Variants in NELL2 observed in about 807,000 individuals in gnomAD.
NELL2 encodes neural EGFL like 2.
A neutral mutation model predicts 109.6 loss-of-function variants in NELL2; 41 were observed. The observed-to-expected ratio is 0.37, with a 90% confidence interval of 0.29 to 0.49. NELL2 has a LOEUF of 0.49. Ranked by LOEUF, NELL2 falls within the 20% of genes least tolerant of loss-of-function variation. The probability of loss-of-function intolerance (pLI) is 0.98; values close to 1 mark genes in which losing one functional copy is unlikely to be tolerated. For synonymous variants in NELL2, 355 were observed against 344.7 expected (o/e 1.03, Z -0.33); for missense variants, 900 against 1,008.3 (o/e 0.89, Z 1.45).
intron 12 of NELL2, among the ~76,000 whole-genome samples, chr12:44,670,401 G>A (rs1302829708): frequency 6.6e-6 from 1 of 151,906 alleles, no homozygotes; most frequent in Non-Finnish European, 1.5e-5. Flanking sequence ...GTAAACAACA[G>A]AAGAGGAAGA....
At chr12:44,573,406 G>A (rs757121399) in intron 15 of NELL2, among the ~76,000 whole-genome samples, 8 of 152,108 alleles carry the variant, frequency 5.3e-5, no homozygotes, top group Non-Finnish European at 1.0e-4. Flanking sequence ...ATCCAGCCTA[G>A]GAGAAAGTGT....
chr12:44,687,761 T>A (rs531102841), intron 12 of NELL2, among the ~76,000 whole-genome samples: 1 of 152,366 alleles, frequency 6.6e-6, no homozygotes, highest in East Asian at 1.9e-4. Flanking sequence ...TATGCATACC[T>A]GACCTTAAAC....
chr12:44,533,413 C>T (rs1349845020), intron 15 of NELL2, among the ~76,000 whole-genome samples: 3 of 151,960 alleles, frequency 2.0e-5, no homozygotes, highest in Non-Finnish European at 4.4e-5. Context: ...CTTCGTTCAA[C>T]CCTCAAAAAA....
At chr12:44,600,549 TA>T (rs1308492354) in intron 15 of NELL2, among the ~76,000 whole-genome samples, 4 of 152,178 alleles carry the variant, frequency 2.6e-5, no homozygotes, top group Non-Finnish European at 5.9e-5. Flanking sequence ...CTTATCTATA[TA>T]AAAAAATCAG....
intron 19 of NELL2, among the ~76,000 whole-genome samples, chr12:44,516,150 A>G (rs1941246973): frequency 1.3e-5 from 2 of 152,066 alleles, no homozygotes; most frequent in South Asian, 4.1e-4. Flanking sequence ...ATCTTCTAAT[A>G]TGTAATTAGA....
At chr12:44,602,544 T>C (rs1227537842) in intron 15 of NELL2, among the ~76,000 whole-genome samples, 8 of 152,198 alleles carry the variant, frequency 5.3e-5, no homozygotes, top group Admixed American at 4.6e-4. Flanking sequence ...GAAAAGCAGA[T>C]GTATCTACAG....
chr12:44,720,384 A>G (rs1413889275), intron 9 of NELL2, among the ~76,000 whole-genome samples: 1 of 152,036 alleles, frequency 6.6e-6, no homozygotes, highest in East Asian at 1.9e-4. Context: ...TTCCCTTTAC[A>G]TTTGGTCTCA....
chr12:44,738,892 A>G (rs1280174085), intron 9 of NELL2, among the ~76,000 whole-genome samples: 2 of 152,174 alleles, frequency 1.3e-5, no homozygotes, highest in African/African-American at 2.4e-5. Context: ...CAATGTATAC[A>G]TGTATCTATA....
chr12:44,849,643 A>T (rs957934309), intron 2 of NELL2, among the ~76,000 whole-genome samples: 1 of 152,214 alleles, frequency 6.6e-6, no homozygotes, highest in Non-Finnish European at 1.5e-5. Context: ...TCTCACAGAC[A>T]TTTATCCAAA....
chr12:44,611,754 C>T (rs1945633629), intron 13 of NELL2, among the ~76,000 whole-genome samples: 1 of 151,916 alleles, frequency 6.6e-6, no homozygotes, highest in South Asian at 2.1e-4. Context: ...AGTAGCCTGC[C>T]CAAGTTCACA....
At chr12:44,850,148 T>C (rs1370092575) in intron 2 of NELL2, among the ~76,000 whole-genome samples, 1 of 152,168 alleles carries the variant, frequency 6.6e-6, no homozygotes, top group African/African-American at 2.4e-5. Context: ...TCAGTGAAAG[T>C]AGATATAAAC....
chr12:44,815,531 G>A (rs1660731934), intron 3 of NELL2, among the ~76,000 whole-genome samples: 1 of 152,218 alleles, frequency 6.6e-6, no homozygotes, highest in African/African-American at 2.4e-5. Context: ...CTGAAAAGCA[G>A]CAGCTCCTTC....
intron 9 of NELL2, among the ~76,000 whole-genome samples, chr12:44,723,422 T>C (rs890250906): frequency 6.6e-6 from 1 of 152,188 alleles, no homozygotes; most frequent in Non-Finnish European, 1.5e-5. Context: ...CTGATGGAAT[T>C]TGGCCTATTG....
At chr12:44,920,725 C>T (rs944697165) in intron 1 of NELL2, among the ~76,000 whole-genome samples, 1 of 152,134 alleles carries the variant, frequency 6.6e-6, no homozygotes, top group African/African-American at 2.4e-5. Context: ...TACAATATTT[C>T]AGTACTGCCA....
At chr12:44,572,570 TTAACATA>T (rs1333224582) in intron 15 of NELL2, among the ~76,000 whole-genome samples, 2 of 152,234 alleles carry the variant, frequency 1.3e-5, no homozygotes, top group Non-Finnish European at 2.9e-5. Context: ...TTCACTCATT[TTAACATA>T]TTTTCTGGAC....
intron 13 of NELL2, among the ~76,000 whole-genome samples, chr12:44,639,398 C>T (rs1946764488): frequency 6.6e-6 from 1 of 152,158 alleles, no homozygotes; most frequent in African/African-American, 2.4e-5. Flanking sequence ...CATGACACTT[C>T]ACTCCACCCG....
At chr12:44,783,561 C>A (rs1437528567) in intron 3 of NELL2, among the ~76,000 whole-genome samples, 4 of 151,894 alleles carry the variant, frequency 2.6e-5, no homozygotes, top group Non-Finnish European at 5.9e-5. Context: ...TATGGGAATA[C>A]TAAACTCTAG....
At chr12:44,562,111 ATATGCAGAAAACTGAAACTGGACTCC>A (rs1943488666) in intron 15 of NELL2, among the ~76,000 whole-genome samples, 1 of 152,252 alleles carries the variant, frequency 6.6e-6, no homozygotes, top group Admixed American at 6.5e-5. Context: ...CTGGCTAGCC[ATATGCAGAAAACTGAAACTGGACTCC>A]TTCCTTACAC....
At chr12:44,731,896 A>G (rs1825921875) in intron 9 of NELL2, among the ~76,000 whole-genome samples, 1 of 152,108 alleles carries the variant, frequency 6.6e-6, no homozygotes, top group African/African-American at 2.4e-5. Context: ...CATGAAATCA[A>G]CATACGAAAA....
Sources: allele counts gnomAD v4.1 joint callset (sites outside exome capture counted in the v4.1 genomes callset), GRCh38; gene constraint gnomAD v4.1.1; transcripts MANE v1.5; gene names NCBI Gene and HGNC (gene_info 2026-07-23, HGNC 2026-07-21).